SEC14L1: variants seen among roughly 807,000 people sequenced by gnomAD.
The protein encoded by SEC14L1 is SEC14-like protein 1.
In SEC14L1, 48 loss-of-function variants were observed where a neutral mutation model predicts 85.3. The observed-to-expected ratio is 0.56, with a 90% CI of 0.45 to 0.72. The LOEUF is 0.72. Among genes scored for constraint, SEC14L1 ranks in the 30% least tolerant of loss-of-function variants. SEC14L1 has a pLI of 0.00. For synonymous variants in SEC14L1, 391 were observed against 355.5 expected (o/e 1.10, Z -1.12); for missense variants, 682 against 921.4 (o/e 0.74, Z 3.36).
intron 3 of SEC14L1, chr17:77,152,584 A>G (rs1187320921): frequency 7.2e-5 from 11 of 151,810 alleles, no homozygotes; most frequent in Non-Finnish European, 1.5e-5. Flanking sequence ...CTCTATTGCA[A>G]GTTATCTTGT....
At position 77,206,674 on chromosome 17, in the gene SEC14L1, T is replaced by G; in HGVS notation, c.1342-54T>G. On this transcript the variant is annotated intron_variant, in intron 12 of 16. Transcript: ENST00000436233. The surrounding 1 kb of genome is among the most constrained non-coding windows in gnomAD (Gnocchi z 4.3). Reference sequence around the variant, plus strand: ...AGAATACCACATTGTCATTTTAATCTTGGACACTCAGGCAGCAGAGAAATA... The same window carrying G: ...AGAATACCACATTGTCATTTTAATCGTGGACACTCAGGCAGCAGAGAAATA... 1 of 1,556,728 alleles carries G rather than the reference T, an allele frequency of 6.4e-7. No individual in the cohort carries two copies. Among genetic ancestry groups the G allele is most frequent in the Non-Finnish European group, 8.7e-7 (1 of 1,153,024 alleles).
At chr17:77,105,373 A>AACC (rs1555614076) in intron 3 of SEC14L1, among the ~76,000 whole-genome samples, 2 of 82,374 alleles carry the variant, frequency 2.4e-5, no homozygotes, top group Non-Finnish European at 4.7e-5. Context: ...CTCGCTGACC[A>AACC]CCCCCCCCCC....
chr17:77,149,490 G>A (rs1598301481), intron 3 of SEC14L1, among the ~76,000 whole-genome samples: 3 of 152,148 alleles, frequency 2.0e-5, no homozygotes, highest in Admixed American at 6.5e-5. Context: ...GGTTCCAGGA[G>A]TTCGAGACCA....
At position 77,215,066 on chromosome 17, in the gene SEC14L1, T is replaced by C. The variant is rs376947423; in HGVS notation, c.*1043T>C. The C allele has an allele frequency of 1.5e-4, 95 of 624,824 alleles. No individual in the cohort carries two copies. The East Asian group carries it at 0.012, about 78-fold the overall frequency. 38.7% of individuals were successfully genotyped at this position (624,824 alleles called of 1,614,324 possible). A position where few individuals can be genotyped will look rare whatever the true frequency, so the allele number is the denominator to read the frequency against. ...CATGGGAATTGTGGACTCATGCGTG[T>C]GTGTGTGTGCATGTGCTGTGTGTGT... On this transcript the variant is annotated 3_prime_UTR_variant, in exon 17 of 17. Coordinates refer to ENST00000436233, the MANE Select transcript of SEC14L1 (RefSeq NM_001143998.2).
At chr17:77,145,121 GTGTGTGTGTGTGTGTA>G (rs1973237095) in intron 3 of SEC14L1, 1 of 110,374 alleles carries the variant, frequency 9.1e-6, no homozygotes, top group Non-Finnish European at 2.1e-5. Flanking sequence ...GTGTGTGTGT[GTGTGTGTGTGTGTGTA>G]TATATACACA....
At chr17:77,146,603 CCTT>C (rs2143540100) in intron 3 of SEC14L1, among the ~76,000 whole-genome samples, 1 of 151,924 alleles carries the variant, frequency 6.6e-6, no homozygotes, top group African/African-American at 2.4e-5. Context: ...TCTTTCTTCT[CCTT>C]TTTTTTCTTT....
intron 5 of SEC14L1, among the ~76,000 whole-genome samples, 184 bp from the exon 6 acceptor site, chr17:77,193,237 T>G (rs1040953908): frequency 6.6e-6 from 1 of 152,236 alleles, no homozygotes; most frequent in African/African-American, 2.4e-5. Flanking sequence ...CTTCATGATT[T>G]AGAATGTGCT....
chr17:77,143,515 A>G, intron 2 of SEC14L1, 52 bp from the exon 3 acceptor site: 2 of 1,093,560 alleles, frequency 1.8e-6, no homozygotes, highest in Non-Finnish European at 2.8e-6. Context: ...AGACTTACTA[A>G]TAATTTGTTT....
intron 3 of SEC14L1, among the ~76,000 whole-genome samples, chr17:77,120,273 C>T: frequency 6.6e-6 from 1 of 152,130 alleles, no homozygotes. Context: ...TACATCTAGG[C>T]ATGAAGCGTT....
chr17:77,205,232 C>G (rs773757118), intron 10 of SEC14L1, 44 bp from the exon 11 acceptor site: 1 of 1,541,648 alleles, frequency 6.5e-7, no homozygotes, highest in Non-Finnish European at 9.0e-7. Flanking sequence ...GTAGTTTTAG[C>G]CTTAAACTAA....
chr17:77,203,267 T>G (rs71384148), intron 9 of SEC14L1, among the ~76,000 whole-genome samples: 1 of 152,326 alleles, frequency 6.6e-6, no homozygotes, highest in East Asian at 1.9e-4. Flanking sequence ...CCAGCACTTA[T>G]GCAGCTCGAG....
chr17:77,191,585 C>A (rs1975541288), intron 5 of SEC14L1, among the ~76,000 whole-genome samples: 2 of 152,084 alleles, frequency 1.3e-5, no homozygotes, highest in South Asian at 4.2e-4. Context: ...CTCTGTCGCC[C>A]AGGCCGGAGT....
chr17:77,103,561 C>T (rs1971830623), intron 3 of SEC14L1, among the ~76,000 whole-genome samples: 1 of 150,828 alleles, frequency 6.6e-6, no homozygotes, highest in South Asian at 2.1e-4. Context: ...CCTGCCTCAG[C>T]CTCCCAAGTA....
intron 1 of SEC14L1, chr17:77,141,596 C>T (rs535522803): frequency 1.3e-5 from 2 of 152,284 alleles, no homozygotes; most frequent in East Asian, 1.9e-4. Flanking sequence ...TGGAGGCCGT[C>T]CGGCTCCTGG....
At chr17:77,202,910 C>T (rs887050519) in intron 9 of SEC14L1, among the ~76,000 whole-genome samples, 7 of 146,972 alleles carry the variant, frequency 4.8e-5, no homozygotes, top group African/African-American at 1.8e-4. Context: ...CAGGGAGAGA[C>T]TCTCTCTCTA....
chr17:77,117,041 A>G (rs1466260009), intron 3 of SEC14L1, among the ~76,000 whole-genome samples: 1 of 152,188 alleles, frequency 6.6e-6, no homozygotes, highest in Non-Finnish European at 1.5e-5. Flanking sequence ...GTCTTTATCT[A>G]TTCCCTGCAG....
rs529041991 is a variant in SEC14L1 at position 77,176,011 on chromosome 17, T to G, written c.64-14792T>G. ...TAGTGTAGAAAACCAATTAGGAGACTGGACATGGTGGCTCATGCCTGTAAT... is the reference window on the plus strand; with the variant it reads ...TAGTGTAGAAAACCAATTAGGAGACGGGACATGGTGGCTCATGCCTGTAAT... On this transcript the variant is annotated intron_variant, in intron 3 of 16. Coordinates refer to ENST00000436233, the MANE Select transcript of SEC14L1 (RefSeq NM_001143998.2). 2.6e-5 allele frequency among the ~76,000 whole-genome samples: 4 copies of G among 152,094 alleles called. No homozygotes were observed. In the East Asian group the frequency reaches 7.7e-4, roughly 29 times the overall value.
intron 3 of SEC14L1, among the ~76,000 whole-genome samples, chr17:77,155,049 T>C (rs1325522477): frequency 6.6e-6 from 1 of 152,234 alleles, no homozygotes; most frequent in African/African-American, 2.4e-5. Flanking sequence ...GAGCAGTTAA[T>C]GCTATTTTAG....
rs532891422 is a variant in SEC14L1 at position 77,214,269 on chromosome 17, C to T, written c.*246C>T. ...CGTTGTGCACAAAATCCAACCAGAG[C>T]GCAAGGGCTCTCTTGAAAGAAAAGT... On this transcript the variant is annotated 3_prime_UTR_variant, in exon 17 of 17. Coordinates refer to ENST00000436233, the MANE Select transcript of SEC14L1 (RefSeq NM_001143998.2). 20 of 1,300,434 alleles carry T rather than the reference C, an allele frequency of 1.5e-5. No homozygotes were observed. Among genetic ancestry groups the T allele is most frequent in the African/African-American group, 1.0e-4 (7 of 67,090 alleles). The allele number at this position is 1,300,434 out of a possible 1,614,324, so 80.6% of individuals were successfully genotyped here.
Sources: allele counts gnomAD v4.1 joint callset (sites outside exome capture counted in the v4.1 genomes callset), GRCh38; gene constraint gnomAD v4.1.1; non-coding constraint Gnocchi (gnomAD v3.1); transcripts MANE v1.5; gene names NCBI Gene and HGNC (gene_info 2026-07-23, HGNC 2026-07-21).